The following TRIP12 variants were observed in gnomAD, a reference collection of about 807,000 sequenced individuals.
TRIP12 encodes E3 ubiquitin-protein ligase TRIP12.
TRIP12 carries 25 observed loss-of-function variants against 244.2 expected under a neutral mutation model. The ratio of observed to expected loss-of-function variants is 0.10; its 90% confidence interval spans 0.07 to 0.14. The LOEUF (loss-of-function observed/expected upper bound fraction) is 0.14. Ranked by LOEUF, TRIP12 falls within the 10% of genes least tolerant of loss-of-function variation. The pLI, the probability that TRIP12 is intolerant of heterozygous loss-of-function variation, is 1.00. For synonymous variants in TRIP12, 905 were observed against 873.1 expected, an observed-to-expected ratio of 1.04 and a Z score of -0.64; for missense variants, 1,677 against 2,486.4, an observed-to-expected ratio of 0.67 and a Z score of 6.92.
At chr2:229,828,684 C>A (rs2052426665) in intron 8 of TRIP12, among the ~76,000 whole-genome samples, 1 of 151,972 alleles carries the variant, frequency 6.6e-6, no homozygotes, top group Non-Finnish European at 1.5e-5. Context: ...GGTGGGAGGA[C>A]TGGACCCGAG....
chr2:229,848,334 C>T (rs572511378), intron 4 of TRIP12, among the ~76,000 whole-genome samples: 2 of 139,394 alleles, frequency 1.4e-5, no homozygotes, highest in African/African-American at 5.2e-5. Context: ...CCGCCCCCCC[C>T]ACACACACAA....
chr2:229,894,692 A>G (rs1303175280), intron 1 of TRIP12, among the ~76,000 whole-genome samples: 2 of 152,260 alleles, frequency 1.3e-5, no homozygotes, highest in African/African-American at 4.8e-5. Flanking sequence ...ATTTCAAATC[A>G]GGTGAATGAT....
At chr2:229,885,065 A>G (rs531952693) in intron 1 of TRIP12, among the ~76,000 whole-genome samples, 2 of 152,298 alleles carry the variant, frequency 1.3e-5, no homozygotes, top group East Asian at 3.9e-4. Context: ...ATAAGATTAC[A>G]TAATACCACA....
chr2:229,878,934 CA>C (rs1442638676), intron 2 of TRIP12, among the ~76,000 whole-genome samples: 1 of 151,538 alleles, frequency 6.6e-6, no homozygotes, highest in Non-Finnish European at 1.5e-5. Flanking sequence ...GTTATGGCCG[CA>C]AACTGCTGTA....
At chr2:229,806,221 A>C (rs2045842303) in intron 17 of TRIP12, 1 of 172,824 alleles carries the variant, frequency 5.8e-6, no homozygotes, top group Non-Finnish European at 1.2e-5. Context: ...ATTGCTTATA[A>C]AAAATCAGTT....
rs368193112 is a variant in TRIP12, at chr2:229,815,266, T to C, written c.1635+7A>G. On this transcript the variant is annotated splice_region_variant and intron_variant, in intron 10 of 41. Transcript: ENST00000675903. ...TACACCATTAAAAAAATACAATATA[T>C]ACTTACAATATCAAAATTGTGCTCC... The C allele has an allele frequency of 8.0e-5, 120 of 1,493,918 alleles. No homozygotes were observed. Among genetic ancestry groups the C allele is most frequent in the Non-Finnish European group, 9.8e-5 (106 of 1,077,948 alleles). The allele number at this position is 1,493,918 out of a possible 1,614,324, so 92.5% of individuals were successfully genotyped here.
intron 1 of TRIP12, among the ~76,000 whole-genome samples, chr2:229,889,899 G>A (rs1464457332): frequency 6.6e-6 from 1 of 152,040 alleles, no homozygotes; most frequent in East Asian, 1.9e-4. Context: ...ACAGTACAAG[G>A]TACCCTGTAG....
At chr2:229,897,670 A>C (rs1183851693) in intron 1 of TRIP12, among the ~76,000 whole-genome samples, 6 of 152,242 alleles carry the variant, frequency 3.9e-5, no homozygotes, top group Non-Finnish European at 8.8e-5. Flanking sequence ...ATAATTATCT[A>C]TTCAAGTTTT....
rs1417942860 is a variant in TRIP12 at position 229,793,067 on chromosome 2, T to G, written c.4047A>C (p.Pro1349=). ...HQLKCQLQRH[P]DCANVKQWKG... is the part of the protein sequence containing the mutation. The stretch of plus-strand genomic sequence containing the variant: ...TCCACTGCTTCACATTTGCACAGTC[T>G]GGATGCCTTTGTAACTGGCATTTTA... The change falls in exon 27 of 42, where the codon CCA becomes CCC. Residue 1349 remains proline (P), a synonymous_variant. Coordinates refer to ENST00000675903, the MANE Select transcript of TRIP12 (RefSeq NM_001348323.3). 6.2e-7 allele frequency: 1 copy of G among 1,613,890 alleles called. No homozygotes were observed. Among genetic ancestry groups the G allele is most frequent in the African/African-American group, 1.3e-5 (1 of 74,926 alleles).
chr2:229,791,378 G>T, intron 29 of TRIP12, 127 bp from the exon 30 acceptor site: 1 of 1,104,548 alleles, frequency 9.1e-7, no homozygotes, highest in Non-Finnish European at 1.3e-6. Flanking sequence ...TCTCTCCCTA[G>T]TGTGAATCTG....
At chr2:229,876,442 T>C (rs1457384641) in intron 2 of TRIP12, among the ~76,000 whole-genome samples, 1 of 152,226 alleles carries the variant, frequency 6.6e-6, no homozygotes. Flanking sequence ...TTAAAACTAA[T>C]AAGATGTTTT....
chr2:229,908,044 C>CCA (rs1243472959), intron 1 of TRIP12, among the ~76,000 whole-genome samples: 2 of 151,932 alleles, frequency 1.3e-5, no homozygotes, highest in Non-Finnish European at 2.9e-5. Flanking sequence ...TCGCTCTTAC[C>CCA]CACTTCACTA....
chr2:229,813,407 C>A (rs2047735629), intron 13 of TRIP12, among the ~76,000 whole-genome samples: 1 of 152,128 alleles, frequency 6.6e-6, no homozygotes, highest in South Asian at 2.1e-4. Context: ...TAATATGGCA[C>A]ATAACTGGAT....
At chr2:229,895,928 A>G (rs1037785511) in intron 1 of TRIP12, among the ~76,000 whole-genome samples, 3 of 152,154 alleles carry the variant, frequency 2.0e-5, no homozygotes, top group African/African-American at 7.2e-5. Context: ...TTGAGACTAC[A>G]GTGACCATGA....
chr2:229,908,850 G>A (rs1399069700), intron 1 of TRIP12, among the ~76,000 whole-genome samples: 2 of 152,112 alleles, frequency 1.3e-5, no homozygotes, highest in African/African-American at 4.8e-5. Flanking sequence ...CCAGCATTCT[G>A]GGAGGCCGAG....
intron 1 of TRIP12, among the ~76,000 whole-genome samples, chr2:229,881,505 T>C (rs1412249183): frequency 6.6e-6 from 1 of 152,200 alleles, no homozygotes; most frequent in Non-Finnish European, 1.5e-5. Flanking sequence ...GTTTTAGAGA[T>C]TCCTTATACT....
chr2:229,833,703 T>C (rs1341598515), intron 6 of TRIP12, among the ~76,000 whole-genome samples: 2 of 152,224 alleles, frequency 1.3e-5, no homozygotes, highest in African/African-American at 2.4e-5. Context: ...TTCCCTTTTA[T>C]GAAGTAGTTT....
intron 5 of TRIP12, among the ~76,000 whole-genome samples, chr2:229,840,523 G>C (rs1404979620): frequency 4.6e-5 from 7 of 152,090 alleles, no homozygotes; most frequent in Non-Finnish European, 1.0e-4. Flanking sequence ...CCAACATGGT[G>C]AAACCGCATC....
chr2:229,797,589 A>G, intron 24 of TRIP12, 101 bp downstream of exon 24: 1 of 1,443,668 alleles, frequency 6.9e-7, no homozygotes, highest in Non-Finnish European at 9.4e-7. Flanking sequence ...GATGTAGGAT[A>G]GCTAAATCCA....
Sources: gnomAD v4.1 joint callset for allele counts (sites outside exome capture counted in the v4.1 genomes callset) on GRCh38, gnomAD v4.1.1 for gene constraint, MANE v1.5 for transcripts, NCBI Gene and HGNC (gene_info 2026-07-23, HGNC 2026-07-21) for gene names.